RBM20: variants seen among roughly 807,000 people sequenced by gnomAD.
The protein encoded by RBM20 is RNA binding motif protein 20, also known as RNA-binding protein 20.
In RBM20, 51 loss-of-function variants were observed where a neutral mutation model predicts 110.1. That is an observed-to-expected ratio of 0.46 (90% CI 0.37 to 0.59). RBM20 has a LOEUF of 0.59. Ranked by LOEUF, RBM20 falls within the 20% of genes least tolerant of loss-of-function variation. The probability of loss-of-function intolerance (pLI) is 0.00; values close to 1 mark genes in which losing one functional copy is unlikely to be tolerated. For missense variants in RBM20, 1,512 were observed against 1,574.9 expected (o/e 0.96, Z 0.68); for synonymous variants, 589 against 618.2 (o/e 0.95, Z 0.70).
intron 1 of RBM20, among the ~76,000 whole-genome samples, chr10:110,752,947 T>TATATA (rs1564835271): frequency 1.0e-3 from 94 of 91,552 alleles, no homozygotes; most frequent in East Asian, 5.2e-3. Context: ...ATATATATAT[T>TATATA]TTTTTTTTTT....
intron 5 of RBM20, 141 bp from the exon 6 acceptor site, chr10:110,797,367 A>G: frequency 1.3e-6 from 1 of 742,028 alleles, no homozygotes; most frequent in Non-Finnish European, 2.1e-6. Context: ...GTGTCTGTGA[A>G]TGGATTTTTT....
chr10:110,678,957 G>C (rs959827645), intron 1 of RBM20, among the ~76,000 whole-genome samples: 8 of 152,180 alleles, frequency 5.3e-5, no homozygotes, highest in African/African-American at 1.9e-4. Context: ...TGGAGATAAA[G>C]AGGCTCTGCA....
At chr10:110,747,083 T>A (rs1192643307) in intron 1 of RBM20, among the ~76,000 whole-genome samples, 1 of 152,160 alleles carries the variant, frequency 6.6e-6, no homozygotes, top group Non-Finnish European at 1.5e-5. Context: ...TGTAATATAG[T>A]GATATAAGAT....
At chr10:110,701,092 A>T (rs1862751085) in intron 1 of RBM20, among the ~76,000 whole-genome samples, 1 of 152,080 alleles carries the variant, frequency 6.6e-6, no homozygotes, top group East Asian at 1.9e-4. Context: ...AAATTTTCAG[A>T]CTCATTGCAA....
At chr10:110,830,686 G>A (rs1413891225) in intron 12 of RBM20, among the ~76,000 whole-genome samples, 1 of 152,088 alleles carries the variant, frequency 6.6e-6, no homozygotes, top group East Asian at 1.9e-4. Flanking sequence ...GCAGAGAGAG[G>A]TACAGTGTGA....
chr10:110,682,426 C>T (rs1186087495), intron 1 of RBM20, among the ~76,000 whole-genome samples: 1 of 152,128 alleles, frequency 6.6e-6, no homozygotes, highest in Non-Finnish European at 1.5e-5. Context: ...GCCACATGTT[C>T]TCTGTTGCAA....
chr10:110,673,651 A>G (rs1238066087), intron 1 of RBM20, among the ~76,000 whole-genome samples: 1 of 152,194 alleles, frequency 6.6e-6, no homozygotes, highest in Non-Finnish European at 1.5e-5. Flanking sequence ...AGGCGAGGAG[A>G]GCTTAGAAGG....
chr10:110,799,670 C>T (rs1303238494), intron 6 of RBM20, 117 bp from the exon 7 acceptor site: 2 of 971,148 alleles, frequency 2.1e-6, no homozygotes, highest in Non-Finnish European at 3.0e-6. Flanking sequence ...ACTCCTGTCA[C>T]CGTTGATTAG....
intron 7 of RBM20, among the ~76,000 whole-genome samples, chr10:110,809,232 A>AAAAAAAAAAAAAAAAAAAAAAAAAAAAAC (rs1844733882): frequency 6.7e-6 from 1 of 149,204 alleles, no homozygotes; most frequent in Admixed American, 6.7e-5. Context: ...AAAAAAAAAA[A>AAAAAAAAAAAAAAAAAAAAAAAAAAAAAC]TTGCATGATT....
chr10:110,657,293 G>T (rs1199945969), intron 1 of RBM20, among the ~76,000 whole-genome samples: 1 of 151,638 alleles, frequency 6.6e-6, no homozygotes, highest in Non-Finnish European at 1.5e-5. Flanking sequence ...GGGATTACAG[G>T]CATGAGCCAC....
At chr10:110,715,443 T>G (rs1419851058) in intron 1 of RBM20, among the ~76,000 whole-genome samples, 1 of 152,372 alleles carries the variant, frequency 6.6e-6, no homozygotes, top group East Asian at 1.9e-4. Context: ...GGTTGAGTAC[T>G]GTAGATGGCT....
intron 1 of RBM20, among the ~76,000 whole-genome samples, chr10:110,699,424 A>G (rs998717868): frequency 6.6e-6 from 1 of 151,804 alleles, no homozygotes; most frequent in African/African-American, 2.4e-5. Flanking sequence ...GGCGCTGACC[A>G]CCACGCCTGG....
At position 110,781,074 on chromosome 10, in the gene RBM20, T is replaced by A. The variant is rs397516620; in HGVS notation, c.465T>A (p.His155Gln). 1.3e-6 allele frequency: 2 copies of A among 1,551,752 alleles called. No homozygotes were observed. The highest frequency in any genetic ancestry group is 1.7e-6 in the Non-Finnish European group (2 of 1,147,030). The part of the protein sequence containing the change: ...GPHGHAGVPQ[H>Q]AAAIPSTRFP... ...ACGGCCATGCTGGGGTTCCCCAACA[T>A]GCTGCAGCCATACCCAGTACCCGGT... Residue 155 changes from histidine (H) to glutamine (Q), a missense_variant, in exon 2 of 14, where the codon CAT becomes CAA. By Grantham distance (24) the His-to-Gln change is conservative. Coordinates refer to ENST00000369519, the MANE Select transcript of RBM20 (RefSeq NM_001134363.3).
At chr10:110,782,075 C>T (rs1490760765) in intron 2 of RBM20, among the ~76,000 whole-genome samples, 191 bp downstream of exon 2, 4 of 152,196 alleles carry the variant, frequency 2.6e-5, no homozygotes, top group Non-Finnish European at 5.9e-5. Context: ...AGGACCAGTC[C>T]CTTGCTTGAA....
intron 1 of RBM20, among the ~76,000 whole-genome samples, chr10:110,745,455 T>A (rs1843768616): frequency 6.6e-6 from 1 of 152,198 alleles, no homozygotes; most frequent in Non-Finnish European, 1.5e-5. Flanking sequence ...CAGGGCTCTA[T>A]TGCTACTCCT....
At chr10:110,707,089 T>C (rs1290224494) in intron 1 of RBM20, among the ~76,000 whole-genome samples, 1 of 152,246 alleles carries the variant, frequency 6.6e-6, no homozygotes, top group Admixed American at 6.5e-5. Context: ...CTTAATTTTG[T>C]ACAGTTTAAT....
chr10:110,680,998 G>A (rs1015231751), intron 1 of RBM20, among the ~76,000 whole-genome samples: 4 of 152,088 alleles, frequency 2.6e-5, no homozygotes, highest in African/African-American at 9.7e-5. Flanking sequence ...TGTTACATTC[G>A]TGAAAAATCT....
At chr10:110,684,430 A>AAAAC (rs1186095430) in intron 1 of RBM20, among the ~76,000 whole-genome samples, 12 of 144,778 alleles carry the variant, frequency 8.3e-5, no homozygotes, top group Non-Finnish European at 1.4e-4. Context: ...AAAACAAAAG[A>AAAAC]AAAAGAAAAA....
intron 7 of RBM20, among the ~76,000 whole-genome samples, chr10:110,807,254 A>G (rs894577946): frequency 3.5e-4 from 53 of 151,928 alleles, no homozygotes; most frequent in African/African-American, 1.1e-3. Context: ...CTCACTGGGG[A>G]CCTGGGATCC....
Sources: gnomAD v4.1 joint callset for allele counts (sites outside exome capture counted in the v4.1 genomes callset) on GRCh38, gnomAD v4.1.1 for gene constraint, MANE v1.5 for transcripts, NCBI Gene and HGNC (gene_info 2026-07-23, HGNC 2026-07-21) for gene names.